The following DDX17 variants were observed in gnomAD, a reference collection of about 807,000 sequenced individuals.
The protein encoded by DDX17 is probable ATP-dependent RNA helicase DDX17.
In DDX17, 10 loss-of-function variants were observed where a neutral mutation model predicts 80.8. That is an observed-to-expected ratio of 0.12 (90% CI 0.08 to 0.21). The LOEUF is 0.21. DDX17 is among the 10% of genes least tolerant of loss of function. The pLI, the probability that DDX17 is intolerant of heterozygous loss-of-function variation, is 1.00. For synonymous variants in DDX17, 339 were observed against 336.2 expected (o/e 1.01, Z -0.09); for missense variants, 586 against 957.4 (o/e 0.61, Z 5.12).
chr22:38,500,317 C>T (rs1427614912), intron 2 of DDX17, among the ~76,000 whole-genome samples: 1 of 152,008 alleles, frequency 6.6e-6, no homozygotes, highest in Non-Finnish European at 1.5e-5. Flanking sequence ...TTAAACTGGT[C>T]CCCTTTTATG....
rs1305214980 is a variant in DDX17 at position 38,485,041 on chromosome 22, T to C, written c.*894A>G. Reference sequence around the variant, plus strand: ...ATGTGCTTTTTACACTGCAGGTCAATATAAAAACTGGTTAGTAAATTTCCA... The same window carrying C: ...ATGTGCTTTTTACACTGCAGGTCAACATAAAAACTGGTTAGTAAATTTCCA... On this transcript the variant is annotated 3_prime_UTR_variant, in exon 13 of 13. Coordinates refer to ENST00000403230, the MANE Select transcript of DDX17 (RefSeq NM_006386.5). 3 of 152,234 alleles carry C rather than the reference T, an allele frequency of 2.0e-5. No individual in the cohort carries two copies. Among genetic ancestry groups the C allele is most frequent in the Non-Finnish European group, 4.4e-5 (3 of 68,044 alleles). The allele number at this position is 152,234 out of a possible 1,614,324, so 9.4% of individuals were successfully genotyped here. A position where few individuals can be genotyped will look rare whatever the true frequency, so the allele number is the denominator to read the frequency against.
chr22:38,491,841 T>C (rs1015909281), intron 11 of DDX17: 4 of 427,632 alleles, frequency 9.4e-6, no homozygotes, highest in Admixed American at 1.1e-4. Flanking sequence ...GGAAGAGACT[T>C]TGAAAATAAA....
intron 10 of DDX17, 87 bp from the exon 11 acceptor site, chr22:38,492,202 G>T: frequency 1.8e-6 from 2 of 1,142,638 alleles, no homozygotes; most frequent in Non-Finnish European, 2.5e-6. Context: ...TTCAAATAAT[G>T]GTGCCAGAAA....
At chr22:38,495,741 C>A in intron 6 of DDX17, 55 bp downstream of exon 6, 4 of 1,361,210 alleles carry the variant, frequency 2.9e-6, no homozygotes, top group South Asian at 1.9e-5. Flanking sequence ...ATTTCCTCCA[C>A]AGGAATTGGT....
chr22:38,488,273 C>T (rs769849885), intron 11 of DDX17, 158 bp from the exon 12 acceptor site: 5 of 1,537,220 alleles, frequency 3.3e-6, no homozygotes, highest in Middle Eastern at 1.7e-4. Context: ...AAAAAAGACT[C>T]ATCCCAACAG....
chr22:38,505,885 G>A (rs1483417043), intron 1 of DDX17, 66 bp downstream of exon 1: 4 of 1,509,952 alleles, frequency 2.6e-6, no homozygotes, highest in Admixed American at 4.2e-5. Context: ...GCAGTCCGCC[G>A]GGCCTCCCCA....
At chr22:38,492,162 T>C in intron 10 of DDX17, 47 bp from the exon 11 acceptor site, 1 of 1,513,476 alleles carries the variant, frequency 6.6e-7, no homozygotes, top group Non-Finnish European at 9.1e-7. Context: ...TTCCTTGCTA[T>C]CTGATCTGTT....
chr22:38,504,584 C>T (rs781685756), intron 1 of DDX17, among the ~76,000 whole-genome samples: 1 of 152,174 alleles, frequency 6.6e-6, no homozygotes, highest in Non-Finnish European at 1.5e-5. Flanking sequence ...CACCTCTCAT[C>T]CTCTAAACAA....
chr22:38,486,559 G>A, intron 12 of DDX17, 119 bp from the exon 13 acceptor site: 22 of 1,379,526 alleles, frequency 1.6e-5, no homozygotes, highest in East Asian at 5.1e-5. Flanking sequence ...AGTTATGCTG[G>A]CCAGCCTCCC....
chr22:38,499,673 G>A (rs2089807296), intron 2 of DDX17, among the ~76,000 whole-genome samples, 174 bp from the exon 3 acceptor site: 1 of 152,048 alleles, frequency 6.6e-6, no homozygotes, highest in African/African-American at 2.4e-5. Context: ...TACTTACTTT[G>A]TAAGTTAATT....
intron 2 of DDX17, 98 bp downstream of exon 2, chr22:38,501,032 T>TA: frequency 7.1e-7 from 1 of 1,399,382 alleles, no homozygotes; most frequent in South Asian, 1.5e-5. Context: ...CACACTAGAA[T>TA]AAAATGTAAA....
chr22:38,503,387 C>A (rs1053097783), intron 1 of DDX17, among the ~76,000 whole-genome samples: 1 of 152,182 alleles, frequency 6.6e-6, no homozygotes, highest in Non-Finnish European at 1.5e-5. Context: ...AAGTAAGATT[C>A]CTGTTAAGGC....
chr22:38,496,054 T>C (rs2089763112), intron 5 of DDX17, 117 bp from the exon 6 acceptor site: 4 of 905,438 alleles, frequency 4.4e-6, no homozygotes, highest in Non-Finnish European at 6.1e-6. Context: ...ATCTAGCACA[T>C]TAAAAGTGAT....
At chr22:38,502,803 T>G (rs1394509081) in intron 1 of DDX17, among the ~76,000 whole-genome samples, 1 of 152,220 alleles carries the variant, frequency 6.6e-6, no homozygotes, top group East Asian at 1.9e-4. Context: ...TTACTCCTTG[T>G]AAAATATTGT....
chr22:38,501,319 A>G (rs2089828667), intron 1 of DDX17, 39 bp from the exon 2 acceptor site: 1 of 1,592,484 alleles, frequency 6.3e-7, no homozygotes, highest in Non-Finnish European at 8.5e-7. Context: ...CAGTATTTTT[A>G]AAGCAACGTA....
chr22:38,506,199 C>G lies in DDX17; in HGVS notation c.39G>C (p.Leu13Phe). The change falls in exon 1 of 13, where the codon TTG (leucine) becomes TTC (phenylalanine). Residue 13 changes from leucine to phenylalanine, a missense_variant. Transcript: ENST00000403230. ...CCGCCTCTCTCGTCGGAGACGGGAG[C>G]AAAACACAGAGAATCGGGGCTACAA... The G allele has an allele frequency of 1.2e-6, 2 of 1,606,852 alleles. No individual in the cohort carries two copies. The highest frequency in any genetic ancestry group is 1.7e-4 in the Middle Eastern group (1 of 6,052).
chr22:38,493,143 G>A (rs552934716), intron 10 of DDX17, among the ~76,000 whole-genome samples: 2 of 152,228 alleles, frequency 1.3e-5, no homozygotes, highest in South Asian at 2.1e-4. Flanking sequence ...GGCCAAATCT[G>A]GCACAACGCC....
intron 1 of DDX17, 64 bp downstream of exon 1, chr22:38,505,887 G>A: frequency 1.3e-6 from 2 of 1,513,716 alleles, no homozygotes; most frequent in South Asian, 1.2e-5. Flanking sequence ...AGTCCGCCGG[G>A]CCTCCCCAAG....
At chr22:38,504,487 T>C (rs1051133641) in intron 1 of DDX17, among the ~76,000 whole-genome samples, 1 of 152,208 alleles carries the variant, frequency 6.6e-6, no homozygotes, top group African/African-American at 2.4e-5. Context: ...TCAACTTTCC[T>C]AGATAATCTC....
Sources: gnomAD v4.1 joint callset for allele counts (sites outside exome capture counted in the v4.1 genomes callset) on GRCh38, gnomAD v4.1.1 for gene constraint, MANE v1.5 for transcripts, NCBI Gene and HGNC (gene_info 2026-07-23, HGNC 2026-07-21) for gene names.